The following DOCK3 variants were observed in gnomAD, a reference collection of about 807,000 sequenced individuals.
DOCK3 encodes the protein dedicator of cytokinesis 3.
Under a neutral mutation model 265.6 loss-of-function variants are expected in DOCK3, and 60 were observed. The ratio of observed to expected loss-of-function variants is 0.23; its 90% CI spans 0.18 to 0.28. The LOEUF is 0.28. DOCK3 is among the 10% of genes least tolerant of loss of function. The pLI is 1.00. For synonymous variants in DOCK3, 881 were observed against 938.0 expected (o/e 0.94, Z 1.11); for missense variants, 1,981 against 2,594.3 (o/e 0.76, Z 5.14).
intron 4 of DOCK3, among the ~76,000 whole-genome samples, chr3:50,932,915 A>G (rs911987502): frequency 1.3e-5 from 2 of 152,208 alleles, no homozygotes; most frequent in African/African-American, 4.8e-5. Flanking sequence ...AGACTGGGTA[A>G]TTTATAAAGA....
At chr3:50,871,133 T>C (rs890631572) in intron 3 of DOCK3, among the ~76,000 whole-genome samples, 2 of 152,088 alleles carry the variant, frequency 1.3e-5, no homozygotes, top group African/African-American at 4.8e-5. Flanking sequence ...ACTCGTTGCT[T>C]GTCGTCATCC....
chr3:51,236,197 A>G, intron 19 of DOCK3, 148 bp from the exon 20 acceptor site: 2 of 648,662 alleles, frequency 3.1e-6, no homozygotes, highest in Non-Finnish European at 5.4e-6. Flanking sequence ...GTGGAGGGTC[A>G]GGGTACTAGT....
chr3:50,779,297 A>T (rs1187922656), intron 2 of DOCK3, among the ~76,000 whole-genome samples: 1 of 152,136 alleles, frequency 6.6e-6, no homozygotes, highest in African/African-American at 2.4e-5. Flanking sequence ...ACTACGTTAT[A>T]GTCCATTTAT....
At chr3:50,676,679 A>AT (rs923521253) in intron 1 of DOCK3, among the ~76,000 whole-genome samples, 1 of 51,800 alleles carries the variant, frequency 1.9e-5, no homozygotes, top group Non-Finnish European at 3.4e-5. Context: ...CCCATGATTG[A>AT]TTTTTTTGGA....
Position 51,277,682 on chromosome 3 carries a change from C to T in DOCK3, c.2751C>T (p.Thr917=). The T allele has an allele frequency of 6.2e-7, 1 of 1,609,254 alleles. No individual in the cohort carries two copies. Among genetic ancestry groups the T allele is most frequent in the Non-Finnish European group, 8.5e-7 (1 of 1,178,096 alleles). ...LLDVLLQTLL[T]IMSKSHAQEA... ...ACGTGCTCTTGCAGACTCTGCTCACCATCATGAGCAAATCGCACGCTCAGG... is the reference window on the plus strand; with the variant it reads ...ACGTGCTCTTGCAGACTCTGCTCACTATCATGAGCAAATCGCACGCTCAGG... Residue 917 remains threonine, a synonymous_variant, in exon 26 of 53, where the codon ACC becomes ACT. Transcript: ENST00000266037.
chr3:51,285,795 T>G (rs2081372649), intron 27 of DOCK3, among the ~76,000 whole-genome samples: 1 of 151,382 alleles, frequency 6.6e-6, no homozygotes, highest in Non-Finnish European at 1.5e-5. Flanking sequence ...ATTAGCTGGG[T>G]GTGGTGGCGG....
intron 5 of DOCK3, among the ~76,000 whole-genome samples, chr3:51,001,468 C>T (rs1165303714): frequency 6.6e-6 from 1 of 152,152 alleles, no homozygotes; most frequent in Non-Finnish European, 1.5e-5. Context: ...ACATCATTGG[C>T]TCTCCTGGGT....
At chr3:51,285,982 C>T (rs1258753795) in intron 27 of DOCK3, among the ~76,000 whole-genome samples, 1 of 151,984 alleles carries the variant, frequency 6.6e-6, no homozygotes, top group Non-Finnish European at 1.5e-5. Context: ...AGCAATCAGG[C>T]AAGAGAAAGA....
chr3:51,143,604 T>C (rs2085167100), intron 9 of DOCK3, among the ~76,000 whole-genome samples: 1 of 152,156 alleles, frequency 6.6e-6, no homozygotes, highest in African/African-American at 2.4e-5. Flanking sequence ...TCTCTAATGG[T>C]TAATGATATT....
At chr3:51,070,750 C>A (rs2081827125) in intron 6 of DOCK3, among the ~76,000 whole-genome samples, 1 of 152,020 alleles carries the variant, frequency 6.6e-6, no homozygotes, top group African/African-American at 2.4e-5. Context: ...GGCTGCGGAC[C>A]CCTGTTAGAA....
At chr3:50,931,709 C>G (rs1362999813) in intron 4 of DOCK3, among the ~76,000 whole-genome samples, 1 of 152,228 alleles carries the variant, frequency 6.6e-6, no homozygotes, top group Non-Finnish European at 1.5e-5. Context: ...CCCAGATACT[C>G]AGCCATGCTG....
chr3:51,017,000 C>T lies in DOCK3; in HGVS notation c.316-47448C>T, dbSNP rs968898408. ...TAAATGGTAAAATTTAGTAGTAAAA[C>T]CATTGAGTGTCCTTTCTTTGCTGGG... On this transcript the variant is annotated intron_variant, in intron 5 of 52. Transcript: ENST00000266037. Among the ~76,000 whole-genome samples the T allele has an allele frequency of 6.6e-5, 9 of 135,400 alleles. No homozygotes were observed. The East Asian group carries it at 1.7e-3, about 25-fold the overall frequency. 88.8% of individuals were successfully genotyped at this position (135,400 alleles called of 152,430 possible).
intron 1 of DOCK3, among the ~76,000 whole-genome samples, chr3:50,711,484 G>T (rs561082511): frequency 6.6e-6 from 1 of 151,938 alleles, no homozygotes; most frequent in African/African-American, 2.4e-5. Flanking sequence ...GGATGGTCTC[G>T]ATCTCCTGAC....
At chr3:50,922,292 G>A (rs1029112495) in intron 4 of DOCK3, among the ~76,000 whole-genome samples, 2 of 152,232 alleles carry the variant, frequency 1.3e-5, no homozygotes, top group African/African-American at 4.8e-5. Flanking sequence ...CCTCCTTGCA[G>A]TTTGATCTCA....
At chr3:50,989,880 C>A (rs2078043875) in intron 5 of DOCK3, among the ~76,000 whole-genome samples, 1 of 152,080 alleles carries the variant, frequency 6.6e-6, no homozygotes, top group African/African-American at 2.4e-5. Flanking sequence ...GATGGCAAAA[C>A]CCAATCCAAG....
At chr3:50,888,115 T>G (rs532578500) in intron 3 of DOCK3, among the ~76,000 whole-genome samples, 1 of 152,024 alleles carries the variant, frequency 6.6e-6, no homozygotes, top group East Asian at 1.9e-4. Flanking sequence ...AAAACCCCAT[T>G]GTGTCAGCCC....
At chr3:51,149,818 C>T (rs1056505977) in intron 10 of DOCK3, among the ~76,000 whole-genome samples, 10 of 152,176 alleles carry the variant, frequency 6.6e-5, no homozygotes, top group Non-Finnish European at 1.5e-4. Context: ...TGTTGTGTCT[C>T]TGCCAGGCTT....
intron 5 of DOCK3, among the ~76,000 whole-genome samples, chr3:51,023,449 G>T (rs752925095): frequency 6.6e-6 from 1 of 151,920 alleles, no homozygotes; most frequent in Non-Finnish European, 1.5e-5. Flanking sequence ...ACAGAGTCTC[G>T]CTCTGTTGTG....
chr3:51,140,793 A>G (rs964751781), intron 9 of DOCK3, among the ~76,000 whole-genome samples: 5 of 152,144 alleles, frequency 3.3e-5, no homozygotes, highest in African/African-American at 1.2e-4. Flanking sequence ...AAGCCATTCT[A>G]GAGGTGTGAC....
Sources: allele counts gnomAD v4.1 joint callset (sites outside exome capture counted in the v4.1 genomes callset), GRCh38; gene constraint gnomAD v4.1.1; transcripts MANE v1.5; gene names NCBI Gene and HGNC (gene_info 2026-07-23, HGNC 2026-07-21).